Variants in RANBP17 observed in about 807,000 individuals in gnomAD.
RANBP17 encodes ran-binding protein 17.
Under a neutral mutation model 141.2 loss-of-function variants are expected in RANBP17, and 158 were observed. The observed-to-expected ratio is 1.12, with a 90% CI of 0.98 to 1.28. The LOEUF (loss-of-function observed/expected upper bound fraction) is 1.28. Ranked by LOEUF, RANBP17 falls within the 50% of genes most tolerant of loss-of-function variation. RANBP17 has a pLI of 0.00. For synonymous variants in RANBP17, 430 were observed against 450.0 expected (o/e 0.96, Z 0.56); for missense variants, 1,438 against 1,290.7 (o/e 1.11, Z -1.75).
chr5:171,004,935 T>C (rs1581372552), intron 14 of RANBP17, among the ~76,000 whole-genome samples: 1 of 152,178 alleles, frequency 6.6e-6, no homozygotes, highest in South Asian at 2.1e-4. Context: ...AGAGATGTGG[T>C]TGTGGGTTTT....
chr5:171,163,627 C>T (rs544628937), intron 14 of RANBP17, among the ~76,000 whole-genome samples: 1 of 152,288 alleles, frequency 6.6e-6, no homozygotes, highest in East Asian at 1.9e-4. Context: ...AACACTAATG[C>T]TTTCATTATA....
chr5:170,930,626 G>T (rs1172738195), intron 12 of RANBP17, among the ~76,000 whole-genome samples: 2 of 151,840 alleles, frequency 1.3e-5, no homozygotes, highest in South Asian at 2.1e-4. Context: ...TGTTCTTATT[G>T]TTCAGTTCCC....
intron 5 of RANBP17, among the ~76,000 whole-genome samples, chr5:170,905,421 T>C (rs972709042): frequency 1.3e-5 from 2 of 152,132 alleles, no homozygotes; most frequent in African/African-American, 4.8e-5. Flanking sequence ...CCAACTCCCT[T>C]TGGAGTAACA....
At chr5:171,295,542 G>A (rs1768764810) in intron 26 of RANBP17, among the ~76,000 whole-genome samples, 9 of 152,054 alleles carry the variant, frequency 5.9e-5, no homozygotes, top group Admixed American at 5.9e-4. Flanking sequence ...TTCAGTCTGG[G>A]GGCCCCTCCC....
intron 14 of RANBP17, among the ~76,000 whole-genome samples, chr5:171,147,882 G>T (rs949678642): frequency 1.3e-5 from 2 of 152,208 alleles, no homozygotes; most frequent in African/African-American, 2.4e-5. Flanking sequence ...ACCCCGTCTG[G>T]GAGGTGTGCC....
chr5:171,213,121 A>G (rs780322463), intron 20 of RANBP17, among the ~76,000 whole-genome samples: 7 of 152,204 alleles, frequency 4.6e-5, no homozygotes, highest in Non-Finnish European at 1.0e-4. Flanking sequence ...TAAAAAGAAT[A>G]ATGTAATTTT....
At chr5:170,928,188 T>C (rs1178858115) in intron 12 of RANBP17, among the ~76,000 whole-genome samples, 30 of 152,112 alleles carry the variant, frequency 2.0e-4, no homozygotes, top group Non-Finnish European at 1.5e-5. Flanking sequence ...CATTTTTAAA[T>C]TGGATTGTTG....
At chr5:171,053,922 TA>T (rs1561596724) in intron 14 of RANBP17, among the ~76,000 whole-genome samples, 1,117 of 50,420 alleles carry the variant, frequency 0.022, 148 homozygotes, top group South Asian at 0.036. Context: ...TATATATATA[TA>T]TAATTGCTGT....
At chr5:171,013,075 G>A (rs1780175510) in intron 14 of RANBP17, among the ~76,000 whole-genome samples, 1 of 152,194 alleles carries the variant, frequency 6.6e-6, no homozygotes, top group South Asian at 2.1e-4. Context: ...ATTGCATTGA[G>A]TGTATGTGTA....
intron 14 of RANBP17, among the ~76,000 whole-genome samples, chr5:171,064,185 G>A (rs1731236422): frequency 6.6e-6 from 1 of 152,224 alleles, no homozygotes; most frequent in African/African-American, 2.4e-5. Context: ...TGCGCCCACT[G>A]TCTGGCACTC....
At chr5:171,063,146 T>G (rs1784026125) in intron 14 of RANBP17, among the ~76,000 whole-genome samples, 1 of 152,222 alleles carries the variant, frequency 6.6e-6, no homozygotes, top group Non-Finnish European at 1.5e-5. Flanking sequence ...GTCTGAAGCC[T>G]TCTTCTCTCA....
intron 14 of RANBP17, among the ~76,000 whole-genome samples, chr5:171,119,092 C>T (rs1755840047): frequency 6.6e-6 from 1 of 152,102 alleles, no homozygotes; most frequent in Non-Finnish European, 1.5e-5. Flanking sequence ...AAGGTAGTTT[C>T]CTTCTATACC....
At chr5:171,087,527 TTCTG>T (rs1302267570) in intron 14 of RANBP17, among the ~76,000 whole-genome samples, 1 of 152,074 alleles carries the variant, frequency 6.6e-6, no homozygotes, top group Non-Finnish European at 1.5e-5. Flanking sequence ...CTTGTTGACT[TTCTG>T]TCTTGTTGAT....
chr5:170,932,311 A>C (rs986703390), intron 12 of RANBP17, among the ~76,000 whole-genome samples: 26 of 152,220 alleles, frequency 1.7e-4, no homozygotes, highest in African/African-American at 6.0e-4. Context: ...TTTTGGGCTG[A>C]GACAGTGGGG....
At chr5:171,059,687 C>T in intron 14 of RANBP17, among the ~76,000 whole-genome samples, 1 of 147,668 alleles carries the variant, frequency 6.8e-6, no homozygotes, top group African/African-American at 2.5e-5. Flanking sequence ...GTAGTTTTTT[C>T]CAATTCTGTG....
At chr5:171,070,242 G>A (rs147587502) in intron 14 of RANBP17, among the ~76,000 whole-genome samples, 123 of 152,180 alleles carry the variant, frequency 8.1e-4, no homozygotes, top group Middle Eastern at 6.8e-3. Context: ...CTGATTTTAC[G>A]GGTGAGAAAG....
chr5:170,943,316 T>G (rs996452134), intron 12 of RANBP17, among the ~76,000 whole-genome samples: 9 of 152,128 alleles, frequency 5.9e-5, no homozygotes, highest in Non-Finnish European at 1.0e-4. Context: ...TTTATTATTA[T>G]ATTATGATCT....
intron 14 of RANBP17, among the ~76,000 whole-genome samples, chr5:171,092,349 A>C (rs957484360): frequency 3.3e-5 from 5 of 152,226 alleles, no homozygotes; most frequent in Non-Finnish European, 7.3e-5. Flanking sequence ...TGACTACAAA[A>C]AGAAATTCTG....
intron 12 of RANBP17, among the ~76,000 whole-genome samples, chr5:170,939,723 A>G (rs1374671731): frequency 1.3e-5 from 2 of 152,164 alleles, no homozygotes; most frequent in Admixed American, 1.3e-4. Flanking sequence ...GTCTGTACAA[A>G]ATAAGGATTA....
Sources: allele counts gnomAD v4.1 joint callset (sites outside exome capture counted in the v4.1 genomes callset), GRCh38; gene constraint gnomAD v4.1.1; transcripts MANE v1.5; gene names NCBI Gene and HGNC (gene_info 2026-07-23, HGNC 2026-07-21).